CDH11: variants seen among roughly 807,000 people sequenced by gnomAD.
CDH11 encodes the protein cadherin-11.
In CDH11, 11 loss-of-function variants were observed where a neutral mutation model predicts 67.8. That is an observed-to-expected ratio of 0.16 (90% CI 0.10 to 0.27). The LOEUF (loss-of-function observed/expected upper bound fraction) is 0.27, where lower values mean the gene tolerates loss of function less well. Ranked by LOEUF, CDH11 falls within the 10% of genes least tolerant of loss-of-function variation. The probability of loss-of-function intolerance (pLI) is 1.00; values close to 1 mark genes in which losing one functional copy is unlikely to be tolerated. For synonymous variants in CDH11, 419 were observed against 400.0 expected (o/e 1.05, Z -0.57); for missense variants, 847 against 1,031.2 (o/e 0.82, Z 2.45).
At chr16:65,098,329 T>C (rs2074934282) in intron 1 of CDH11, among the ~76,000 whole-genome samples, 2 of 152,190 alleles carry the variant, frequency 1.3e-5, no homozygotes, top group South Asian at 4.1e-4. Context: ...TACTGTAAGA[T>C]AAACCTAGTA....
intron 1 of CDH11, among the ~76,000 whole-genome samples, chr16:65,111,245 C>A (rs2075150595): frequency 6.6e-6 from 1 of 152,164 alleles, no homozygotes; most frequent in African/African-American, 2.4e-5. Context: ...CTGTTTTAAA[C>A]AATTTTATAG....
Position 64,946,008 on chromosome 16 carries a change from A to G in CDH11, c.*1595T>C. On this transcript the variant is annotated 3_prime_UTR_variant, in exon 13 of 13. Transcript: ENST00000268603. ...TGAACAGGTGAAATGCCCTTCACAT[A>G]AGTTTCAATCCCCAAGAAACTAGCT... is the stretch of plus-strand genomic sequence containing the variant. 2.8e-6 allele frequency: 3 copies of G among 1,059,078 alleles called. No individual in the cohort carries two copies. The highest frequency in any genetic ancestry group is 3.4e-6 in the Non-Finnish European group (3 of 875,422). 65.6% of individuals were successfully genotyped at this position (1,059,078 alleles called of 1,614,324 possible).
intron 7 of CDH11, chr16:64,986,998 A>C (rs1167355231): frequency 6.6e-6 from 1 of 152,020 alleles, no homozygotes; most frequent in East Asian, 1.9e-4. Context: ...TGATGCTTCA[A>C]ATTAATTTTC....
At chr16:65,048,410 A>G in intron 2 of CDH11, among the ~76,000 whole-genome samples, 1 of 152,226 alleles carries the variant, frequency 6.6e-6, no homozygotes, top group Non-Finnish European at 1.5e-5. Flanking sequence ...CTAAGGGAAA[A>G]GAAATCATTA....
In CDH11 at chr16:65,117,165, C is replaced by T. The variant is rs983218538; in HGVS notation, c.-298+4715G>A. Among the ~76,000 whole-genome samples, 29 of 152,192 alleles carry T rather than the reference C, an allele frequency of 1.9e-4. 1 individual carries two copies. Among genetic ancestry groups the T allele is most frequent in the African/African-American group, 6.8e-4 (28 of 41,444 alleles). ...TTACTTTCCACTGAGTTACTTAATA[C>T]TCCCTCCCATAATCCATTTGCATTG... On this transcript the variant is annotated intron_variant, in intron 1 of 12. Transcript: ENST00000268603.
chr16:64,989,669 A>T (rs1464528373), intron 6 of CDH11, among the ~76,000 whole-genome samples: 1 of 152,134 alleles, frequency 6.6e-6, no homozygotes, highest in East Asian at 1.9e-4. Flanking sequence ...CATTGTGGGG[A>T]ATGGAAAAGA....
intron 2 of CDH11, among the ~76,000 whole-genome samples, chr16:65,025,690 G>A (rs2073519947): frequency 6.6e-6 from 1 of 152,112 alleles, no homozygotes; most frequent in Non-Finnish European, 1.5e-5. Context: ...GTGGGTTGCA[G>A]ATAAATTTAA....
rs562490587 is a variant in CDH11, at chr16:64,949,446, G to C, written c.1894+1321C>G. Among the ~76,000 whole-genome samples the C allele has an allele frequency of 2.9e-3, 320 of 109,728 alleles. 2 individuals are homozygous for C. Among genetic ancestry groups the C allele is most frequent in the African/African-American group, 0.011 (308 of 28,050 alleles). 72.0% of individuals were successfully genotyped at this position (109,728 alleles called of 152,430 possible). On this transcript the variant is annotated intron_variant, in intron 12 of 12. Transcript: ENST00000268603. ...TTTTCTTTTTTTTTTTTTTTTTTGAGACAGAGTTTTGCTCTTGTTGCCCAG... is the reference window on the plus strand; with the variant it reads ...TTTTCTTTTTTTTTTTTTTTTTTGACACAGAGTTTTGCTCTTGTTGCCCAG...
Position 65,065,850 on chromosome 16 carries a change from C to T in CDH11, c.-297-11922G>A, listed in dbSNP as rs570792461. ...GCCCTCAAGGTCTCCTTGGATTGGT[C>T]TCCTCTACTTTTAACAATAGCCAAG... On this transcript the variant is annotated intron_variant, in intron 1 of 12. Coordinates refer to ENST00000268603, the MANE Select transcript of CDH11 (RefSeq NM_001797.4). Among the ~76,000 whole-genome samples, 3 of 152,324 alleles carry T rather than the reference C, an allele frequency of 2.0e-5. No individual in the cohort carries two copies. The South Asian group carries it at 6.2e-4, about 32-fold the overall frequency.
At chr16:65,100,302 T>C (rs549206560) in intron 1 of CDH11, among the ~76,000 whole-genome samples, 1 of 151,904 alleles carries the variant, frequency 6.6e-6, no homozygotes. Flanking sequence ...TCATGGATCA[T>C]CTGAGGCAAC....
chr16:65,011,293 A>G (rs1204768021), intron 2 of CDH11, among the ~76,000 whole-genome samples: 2 of 152,148 alleles, frequency 1.3e-5, no homozygotes, highest in African/African-American at 4.8e-5. Flanking sequence ...CTGGCTATCA[A>G]TGTCTGAAAG....
At chr16:64,951,145 G>T in intron 11 of CDH11, 127 bp from the exon 12 acceptor site, 1 of 931,642 alleles carries the variant, frequency 1.1e-6, no homozygotes, top group East Asian at 2.6e-5. Context: ...GTTCTTACTT[G>T]TTCTTTCATC....
intron 1 of CDH11, among the ~76,000 whole-genome samples, chr16:65,075,853 A>G (rs922010849): frequency 6.6e-6 from 1 of 152,342 alleles, no homozygotes; most frequent in African/African-American, 2.4e-5. Flanking sequence ...CATAACATAT[A>G]AATGATTGTG....
Position 64,998,671 on chromosome 16 carries a change from T to C in CDH11, c.414A>G (p.Pro138=). The C allele has an allele frequency of 5.6e-6, 9 of 1,614,132 alleles. No homozygotes were observed. The highest frequency in any genetic ancestry group is 6.8e-6 in the Non-Finnish European group (8 of 1,180,038). ...AQAVDRDTNR[P]LEPPSEFIVK... ...CAATGAATTCCGACGGTGGCTCCAG[T>C]GGCCGATTGGTGTCCCTGTCCACCG... The change falls in exon 4 of 13, where the codon CCA becomes CCG. Residue 138 remains proline, a synonymous_variant. Coordinates refer to ENST00000268603, the MANE Select transcript of CDH11 (RefSeq NM_001797.4).
At chr16:64,992,820 C>A in intron 5 of CDH11, 95 bp downstream of exon 5, 2 of 1,237,024 alleles carry the variant, frequency 1.6e-6, no homozygotes, top group Non-Finnish European at 2.3e-6. Context: ...ATTCCTTTTT[C>A]ATATTTGAGA....
At chr16:65,031,602 A>G (rs867117877) in intron 2 of CDH11, among the ~76,000 whole-genome samples, 13 of 152,278 alleles carry the variant, frequency 8.5e-5, no homozygotes, top group Admixed American at 2.0e-4. Flanking sequence ...ATGAAATAAG[A>G]TCCTATGTTC....
In CDH11 at chr16:65,010,952, C is replaced by CATATATATATATATATGTGTGACAT. The variant is rs200372447; in HGVS notation, c.-172-5912_-172-5911insATGTCACACATATATATATATATAT. On this transcript the variant is annotated intron_variant, in intron 2 of 12. Transcript: ENST00000268603. Reference sequence around the variant, plus strand: ...ACCACAACTGCATATATATGTGTGACATATATATATATATGTGTTTATATA... The same window carrying CATATATATATATATATGTGTGACAT: ...ACCACAACTGCATATATATGTGTGACATATATATATATATATGTGTGACATATATATATATATATGTGTTTATATA... Among the ~76,000 whole-genome samples, 69 of 135,888 alleles carry CATATATATATATATATGTGTGACAT rather than the reference C, an allele frequency of 5.1e-4. No homozygotes were observed. The East Asian group carries it at 0.011, about 21-fold the overall frequency. The allele number at this position is 135,888 out of a possible 152,430, so 89.1% of individuals were successfully genotyped here.
At chr16:64,984,382 G>A (rs991930394) in intron 7 of CDH11, among the ~76,000 whole-genome samples, 3 of 152,218 alleles carry the variant, frequency 2.0e-5, no homozygotes, top group Non-Finnish European at 2.9e-5. Flanking sequence ...GGGGCTGATA[G>A]ATGCTTAACA....
rs187930478 is a variant in CDH11 at position 64,962,379 on chromosome 16, G to T, written c.1642+9200C>A. Among the ~76,000 whole-genome samples the T allele has an allele frequency of 2.6e-5, 4 of 152,138 alleles. No individual in the cohort carries two copies. The East Asian group carries it at 7.7e-4, about 29-fold the overall frequency. On this transcript the variant is annotated intron_variant, in intron 11 of 12. Transcript: ENST00000268603. ...AATTGAGTTTACAGGGCAAAGAGCC[G>T]TCCCCAGATTGGAGACAGACAAGTA...
Sources: allele counts gnomAD v4.1 joint callset (sites outside exome capture counted in the v4.1 genomes callset), GRCh38; gene constraint gnomAD v4.1.1; transcripts MANE v1.5; gene names NCBI Gene and HGNC (gene_info 2026-07-23, HGNC 2026-07-21).